Variants in PAFAH1B1 observed in about 807,000 individuals in gnomAD.
PAFAH1B1 encodes platelet activating factor acetylhydrolase 1b regulatory subunit 1, also known as platelet-activating factor acetylhydrolase IB subunit beta.
Under a neutral mutation model 57.5 loss-of-function variants are expected in PAFAH1B1, and 2 were observed. That is an observed-to-expected ratio of 0.03 (90% CI 0.01 to 0.11). The LOEUF (loss-of-function observed/expected upper bound fraction) is 0.11. Ranked by LOEUF, PAFAH1B1 falls within the 10% of genes least tolerant of loss-of-function variation. PAFAH1B1 has a pLI of 1.00. For missense variants in PAFAH1B1, 257 were observed against 512.0 expected (o/e 0.50, Z 4.81); for synonymous variants, 152 against 169.6 (o/e 0.90, Z 0.81).
chr17:2,603,068 T>G (rs1445971754), intron 1 of PAFAH1B1, among the ~76,000 whole-genome samples: 1 of 152,232 alleles, frequency 6.6e-6, no homozygotes, highest in Non-Finnish European at 1.5e-5. Flanking sequence ...CTCCCCACTT[T>G]GTGATCTTTG....
At chr17:2,636,912 G>A (rs940700839) in intron 1 of PAFAH1B1, among the ~76,000 whole-genome samples, 1 of 152,002 alleles carries the variant, frequency 6.6e-6, no homozygotes, top group African/African-American at 2.4e-5. Context: ...TGTAGAGACG[G>A]GGTCTCCTGT....
chr17:2,613,549 A>G, intron 1 of PAFAH1B1: 1 of 267,992 alleles, frequency 3.7e-6, no homozygotes, highest in Admixed American at 5.0e-5. Context: ...TCTTGAGGGC[A>G]GGCCCCAGCT....
At chr17:2,642,662 G>A (rs1277250549) in intron 2 of PAFAH1B1, among the ~76,000 whole-genome samples, 2 of 152,176 alleles carry the variant, frequency 1.3e-5, no homozygotes, top group East Asian at 1.9e-4. Flanking sequence ...ATACTTCCAC[G>A]AAGACCAGAC....
intron 1 of PAFAH1B1, among the ~76,000 whole-genome samples, chr17:2,602,364 C>T (rs2068154103): frequency 6.6e-6 from 1 of 152,070 alleles, no homozygotes; most frequent in Admixed American, 6.6e-5. Context: ...ATGTCACTAG[C>T]ACAGAAGACA....
chr17:2,621,393 C>G (rs1318536633), intron 1 of PAFAH1B1, among the ~76,000 whole-genome samples: 2 of 152,170 alleles, frequency 1.3e-5, no homozygotes, highest in East Asian at 1.9e-4. Context: ...TGTGGAATTA[C>G]TATTCTAAAC....
At chr17:2,594,906 C>G (rs1040671091) in intron 1 of PAFAH1B1, among the ~76,000 whole-genome samples, 3 of 152,184 alleles carry the variant, frequency 2.0e-5, no homozygotes, top group Admixed American at 2.0e-4. Context: ...CTCTGCACCT[C>G]TAAACGTAGC....
chr17:2,683,683 A>G lies in PAFAH1B1; in HGVS notation c.*1881A>G, dbSNP rs1335102605. On this transcript the variant is annotated 3_prime_UTR_variant, in exon 11 of 11. Coordinates refer to ENST00000397195, the MANE Select transcript of PAFAH1B1 (RefSeq NM_000430.4). ...TCTTAAGCTAATTCCTTAAATACAT[A>G]CAGTAGGTGAATTTTCAGGACAATA... 2 of 152,660 alleles carry G rather than the reference A, an allele frequency of 1.3e-5. No homozygotes were observed. Among genetic ancestry groups the G allele is most frequent in the Non-Finnish European group, 2.9e-5 (2 of 68,044 alleles). 9.5% of individuals were successfully genotyped at this position (152,660 alleles called of 1,614,324 possible).
chr17:2,654,145 G>C (rs1423954890), intron 2 of PAFAH1B1, among the ~76,000 whole-genome samples: 1 of 150,440 alleles, frequency 6.6e-6, no homozygotes, highest in Non-Finnish European at 1.5e-5. Context: ...TTAATATGCT[G>C]CTTCTATCCA....
In PAFAH1B1 at chr17:2,684,696, C is replaced by G. The variant is rs1488829162; in HGVS notation, c.*2894C>G. Reference sequence around the variant, plus strand: ...TGCACTTTAGGAGACTAAGACCGTCCTGGTTCGTCTGTGTGTGGTGTGACC... The same window carrying G: ...TGCACTTTAGGAGACTAAGACCGTCGTGGTTCGTCTGTGTGTGGTGTGACC... On this transcript the variant is annotated 3_prime_UTR_variant, in exon 11 of 11. Coordinates refer to ENST00000397195, the MANE Select transcript of PAFAH1B1 (RefSeq NM_000430.4). The G allele has an allele frequency of 6.6e-6, 1 of 152,648 alleles. No individual in the cohort carries two copies. Among genetic ancestry groups the G allele is most frequent in the Non-Finnish European group, 1.5e-5 (1 of 68,078 alleles). 9.5% of individuals were successfully genotyped at this position (152,648 alleles called of 1,614,324 possible).
chr17:2,645,991 A>G (rs2068763202), intron 2 of PAFAH1B1, among the ~76,000 whole-genome samples: 1 of 152,148 alleles, frequency 6.6e-6, no homozygotes, highest in Non-Finnish European at 1.5e-5. Flanking sequence ...GAGGGTACTG[A>G]TAACAAAAAC....
chr17:2,672,285 CAAAAAAAAAAAAA>C (rs35332619), intron 6 of PAFAH1B1, among the ~76,000 whole-genome samples: 8 of 69,590 alleles, frequency 1.1e-4, no homozygotes, highest in African/African-American at 3.3e-4. Flanking sequence ...CCTTGCCTCA[CAAAAAAAAAAAAA>C]AAAAAAAAAA....
intron 9 of PAFAH1B1, among the ~76,000 whole-genome samples, chr17:2,678,188 G>A (rs2069302057): frequency 6.6e-6 from 1 of 151,980 alleles, no homozygotes; most frequent in African/African-American, 2.4e-5. Flanking sequence ...GATCACCTGA[G>A]GTTGGGAGTT....
chr17:2,662,378 TTGTGTGTGTGTGTGTGTGTGTG>T (rs57918293), intron 2 of PAFAH1B1, among the ~76,000 whole-genome samples: 1 of 123,696 alleles, frequency 8.1e-6, no homozygotes, highest in Non-Finnish European at 1.6e-5. Flanking sequence ...TTTAACCTCT[TTGTGTGTGTGTGTGTGTGTGTG>T]TGTGTGTGTG....
At chr17:2,620,457 A>G (rs982394804) in intron 1 of PAFAH1B1, among the ~76,000 whole-genome samples, 54 of 152,336 alleles carry the variant, frequency 3.5e-4, no homozygotes, top group African/African-American at 1.3e-3. Flanking sequence ...TAGGAACATT[A>G]AGACTTAAAA....
chr17:2,681,878 T>C lies in PAFAH1B1; in HGVS notation c.*76T>C, dbSNP rs935367038. The C allele has an allele frequency of 1.4e-5, 14 of 994,898 alleles. No homozygotes were observed. The highest frequency in any genetic ancestry group is 2.0e-5 in the Non-Finnish European group (13 of 649,354). 61.6% of individuals were successfully genotyped at this position (994,898 alleles called of 1,614,324 possible). A position where few individuals can be genotyped will look rare whatever the true frequency, so the allele number is the denominator to read the frequency against. On this transcript the variant is annotated 3_prime_UTR_variant, in exon 11 of 11. Transcript: ENST00000397195. Reference sequence around the variant, plus strand: ...TGATACCATGGTTACCCCATTGAGCTCTGTTTAAATAAATATTGTCCTTTC... The same window carrying C: ...TGATACCATGGTTACCCCATTGAGCCCTGTTTAAATAAATATTGTCCTTTC...
chr17:2,596,780 C>G (rs113060657), intron 1 of PAFAH1B1, among the ~76,000 whole-genome samples: 2,045 of 152,192 alleles, frequency 0.013, 44 homozygotes, highest in African/African-American at 0.047. Flanking sequence ...CACTAAGGTC[C>G]AGGTGCAGTG....
intron 1 of PAFAH1B1, among the ~76,000 whole-genome samples, chr17:2,636,679 A>G (rs949447917): frequency 2.0e-5 from 3 of 152,124 alleles, no homozygotes; most frequent in African/African-American, 4.8e-5. Context: ...GTTTGCAGAC[A>G]TAAGCCACCA....
chr17:2,651,863 A>G (rs886296863), intron 2 of PAFAH1B1, among the ~76,000 whole-genome samples: 76 of 152,240 alleles, frequency 5.0e-4, no homozygotes, highest in African/African-American at 1.6e-3. Context: ...ACTGAAGTCC[A>G]TAGTTGACAT....
chr17:2,648,901 G>C (rs1256518260), intron 2 of PAFAH1B1, among the ~76,000 whole-genome samples: 1 of 146,546 alleles, frequency 6.8e-6, no homozygotes, highest in Non-Finnish European at 1.5e-5. Context: ...AAGAGTTCCT[G>C]TGTCTCTGCA....
Sources: allele counts gnomAD v4.1 joint callset (sites outside exome capture counted in the v4.1 genomes callset), GRCh38; gene constraint gnomAD v4.1.1; transcripts MANE v1.5; gene names NCBI Gene and HGNC (gene_info 2026-07-23, HGNC 2026-07-21).